Variants in ALCAM observed in about 807,000 individuals in gnomAD.
The protein encoded by ALCAM is activated leukocyte cell adhesion molecule, also known as CD166 antigen.
Under a neutral mutation model 70.9 loss-of-function variants are expected in ALCAM, and 30 were observed. That is an observed-to-expected ratio of 0.42 (90% CI 0.32 to 0.57). ALCAM has a LOEUF of 0.57. Among genes scored for constraint, ALCAM ranks in the 20% least tolerant of loss-of-function variants. The pLI is 0.11. For missense variants in ALCAM, 591 were observed against 695.1 expected (o/e 0.85, Z 1.68); for synonymous variants, 249 against 242.5 (o/e 1.03, Z -0.25).
At chr3:105,483,694 A>G (rs940452085) in intron 1 of ALCAM, among the ~76,000 whole-genome samples, 3 of 152,128 alleles carry the variant, frequency 2.0e-5, no homozygotes, top group South Asian at 2.1e-4. Context: ...TGTGGTTGGT[A>G]TAATCTAAAC....
intron 1 of ALCAM, among the ~76,000 whole-genome samples, chr3:105,487,629 C>T (rs956601635): frequency 6.6e-6 from 1 of 152,102 alleles, no homozygotes; most frequent in African/African-American, 2.4e-5. Context: ...TTTTCTTTCA[C>T]CAGAAATTAT....
intron 1 of ALCAM, among the ~76,000 whole-genome samples, chr3:105,491,138 C>T (rs1313575124): frequency 6.6e-6 from 1 of 152,212 alleles, no homozygotes; most frequent in East Asian, 1.9e-4. Context: ...CCAAGGCTTG[C>T]ACCTTGCACC....
chr3:105,488,018 A>T (rs1938478378), intron 1 of ALCAM, among the ~76,000 whole-genome samples: 1 of 152,128 alleles, frequency 6.6e-6, no homozygotes, highest in South Asian at 2.1e-4. Flanking sequence ...ATTTTTCATC[A>T]ATAGATTAAT....
chr3:105,398,103 G>A (rs188823189), intron 1 of ALCAM, among the ~76,000 whole-genome samples: 2 of 152,206 alleles, frequency 1.3e-5, no homozygotes, highest in Admixed American at 6.5e-5. Flanking sequence ...TACAGTTTCA[G>A]ATTCAGTATT....
intron 1 of ALCAM, among the ~76,000 whole-genome samples, chr3:105,420,905 A>G (rs1936633752): frequency 6.6e-6 from 1 of 151,502 alleles, no homozygotes; most frequent in Admixed American, 6.6e-5. Flanking sequence ...GAGATTTGTA[A>G]TCTCTGAGGA....
At chr3:105,401,263 T>G (rs1240333794) in intron 1 of ALCAM, among the ~76,000 whole-genome samples, 3 of 152,230 alleles carry the variant, frequency 2.0e-5, no homozygotes, top group Non-Finnish European at 2.9e-5. Context: ...ACTGAAATTA[T>G]GTACTGTCTC....
intron 1 of ALCAM, among the ~76,000 whole-genome samples, chr3:105,500,260 G>T (rs1005496506): frequency 6.6e-6 from 1 of 152,064 alleles, no homozygotes; most frequent in Non-Finnish European, 1.5e-5. Flanking sequence ...CTGTAAGCCT[G>T]CCTGCCTTCT....
intron 14 of ALCAM, chr3:105,552,984 T>G: frequency 5.9e-6 from 6 of 1,017,074 alleles, no homozygotes; most frequent in Non-Finnish European, 7.1e-6. Context: ...CAGTGACACA[T>G]CTGGCCAGCA....
At chr3:105,544,273 T>C (rs1422032203) in intron 8 of ALCAM, among the ~76,000 whole-genome samples, 1 of 151,602 alleles carries the variant, frequency 6.6e-6, no homozygotes, top group Non-Finnish European at 1.5e-5. Flanking sequence ...CGCCTTTGCT[T>C]ATGTGACCAA....
intron 1 of ALCAM, among the ~76,000 whole-genome samples, chr3:105,411,061 C>T (rs897067723): frequency 6.6e-6 from 1 of 151,960 alleles, no homozygotes; most frequent in Non-Finnish European, 1.5e-5. Context: ...ATTAGATGAG[C>T]TTTCAATTAT....
At chr3:105,553,771 C>T (rs1940462257) in intron 14 of ALCAM, among the ~76,000 whole-genome samples, 1 of 151,904 alleles carries the variant, frequency 6.6e-6, no homozygotes, top group South Asian at 2.1e-4. Flanking sequence ...TTTTAAAAAT[C>T]TGAGGCAGAG....
At chr3:105,406,056 A>G (rs756579319) in intron 1 of ALCAM, among the ~76,000 whole-genome samples, 2 of 152,170 alleles carry the variant, frequency 1.3e-5, no homozygotes, top group Non-Finnish European at 2.9e-5. Context: ...TCTAGGCTAT[A>G]TGTCTATGTG....
intron 1 of ALCAM, among the ~76,000 whole-genome samples, chr3:105,382,013 T>G (rs989808923): frequency 6.6e-6 from 1 of 151,716 alleles, no homozygotes; most frequent in Non-Finnish European, 1.5e-5. Context: ...TATGCATACA[T>G]GTGCCATGCT....
chr3:105,367,942 C>G (rs1009834124), intron 1 of ALCAM, among the ~76,000 whole-genome samples: 1 of 151,966 alleles, frequency 6.6e-6, no homozygotes, highest in African/African-American at 2.4e-5. Context: ...CTTGGTGAGC[C>G]GAGGAAGGGA....
intron 1 of ALCAM, among the ~76,000 whole-genome samples, chr3:105,507,183 C>T (rs184652653): frequency 1.3e-5 from 2 of 152,146 alleles, no homozygotes; most frequent in East Asian, 1.9e-4. Context: ...TCCCTGCCTC[C>T]CCACCCCCTT....
intron 14 of ALCAM, among the ~76,000 whole-genome samples, chr3:105,554,560 T>A (rs1940476597): frequency 6.6e-6 from 1 of 151,974 alleles, no homozygotes; most frequent in Non-Finnish European, 1.5e-5. Flanking sequence ...CCAGTCAAGT[T>A]GACACATAAA....
intron 1 of ALCAM, among the ~76,000 whole-genome samples, chr3:105,474,566 G>A (rs961441818): frequency 9.3e-5 from 14 of 150,554 alleles, no homozygotes; most frequent in African/African-American, 3.2e-4. Context: ...CTGACAAATG[G>A]AAATATTCAG....
chr3:105,442,865 CCTT>C (rs1358407439), intron 1 of ALCAM, among the ~76,000 whole-genome samples: 2 of 152,062 alleles, frequency 1.3e-5, no homozygotes, highest in African/African-American at 2.4e-5. Context: ...GATAAGGTCT[CCTT>C]CTGTTGCGCA....
At chr3:105,379,751 A>T (rs952194019) in intron 1 of ALCAM, among the ~76,000 whole-genome samples, 18 of 151,754 alleles carry the variant, frequency 1.2e-4, no homozygotes, top group African/African-American at 4.1e-4. Context: ...TTTTCCAATG[A>T]CCTCTAATTT....
Sources: allele counts gnomAD v4.1 joint callset (sites outside exome capture counted in the v4.1 genomes callset), GRCh38; gene constraint gnomAD v4.1.1; transcripts MANE v1.5; gene names NCBI Gene and HGNC (gene_info 2026-07-23, HGNC 2026-07-21).